ANK3: variants seen among roughly 807,000 people sequenced by gnomAD.
ANK3 encodes ankyrin-3.
Under a neutral mutation model 370.9 loss-of-function variants are expected in ANK3, and 57 were observed. That is an observed-to-expected ratio of 0.15 (90% CI 0.12 to 0.19). The LOEUF is 0.19. Ranked by LOEUF, ANK3 falls within the 10% of genes least tolerant of loss-of-function variation. The pLI, the probability that ANK3 is intolerant of heterozygous loss-of-function variation, is 1.00. For synonymous variants in ANK3, 1,929 were observed against 1,946.3 expected (o/e 0.99, Z 0.23); for missense variants, 4,439 against 5,302.1 (o/e 0.84, Z 5.06).
intron 1 of ANK3, among the ~76,000 whole-genome samples, chr10:60,387,627 C>T (rs149183339): frequency 8.3e-4 from 127 of 152,276 alleles, no homozygotes; most frequent in African/African-American, 3.0e-3. Flanking sequence ...CATTTAAATC[C>T]ACTTGCACAT....
chr10:60,674,111 T>C (rs1240033724), intron 1 of ANK3, among the ~76,000 whole-genome samples: 3 of 151,990 alleles, frequency 2.0e-5, no homozygotes, highest in African/African-American at 7.2e-5. Context: ...AGAGTTCTTG[T>C]ATTAAAAAAA....
intron 23 of ANK3, chr10:60,140,931 G>C: frequency 3.0e-6 from 3 of 985,716 alleles, no homozygotes; most frequent in Non-Finnish European, 3.6e-6. Context: ...CCCAGGTAGA[G>C]GAAAAACATT....
intron 7 of ANK3, among the ~76,000 whole-genome samples, chr10:60,244,148 C>T (rs550404993): frequency 5.9e-5 from 9 of 152,100 alleles, no homozygotes; most frequent in Non-Finnish European, 8.8e-5. Context: ...ATGAAATAAT[C>T]ATCAAAACAG....
chr10:60,310,805 C>T (rs1241226370), intron 1 of ANK3, among the ~76,000 whole-genome samples: 1 of 152,170 alleles, frequency 6.6e-6, no homozygotes, highest in East Asian at 1.9e-4. Flanking sequence ...GGAGGTAGAA[C>T]TAAATATCTT....
At chr10:60,257,067 A>G (rs1434414014) in intron 7 of ANK3, among the ~76,000 whole-genome samples, 1 of 152,222 alleles carries the variant, frequency 6.6e-6, no homozygotes, top group Non-Finnish European at 1.5e-5. Flanking sequence ...GGCTGAACTA[A>G]TTTACGTTCC....
chr10:60,732,554 G>A (rs998086105), intron 1 of ANK3, among the ~76,000 whole-genome samples: 20 of 152,278 alleles, frequency 1.3e-4, no homozygotes, highest in Admixed American at 3.9e-4. Context: ...GGAGATCGAA[G>A]AGAAGGTAAA....
At chr10:60,248,269 G>C (rs1488669502) in intron 7 of ANK3, among the ~76,000 whole-genome samples, 1 of 152,180 alleles carries the variant, frequency 6.6e-6, no homozygotes, top group East Asian at 1.9e-4. Flanking sequence ...CATTGTGGTT[G>C]TATGAATTCA....
intron 2 of ANK3, among the ~76,000 whole-genome samples, chr10:60,594,608 C>T (rs2077961517): frequency 1.3e-5 from 2 of 151,424 alleles, no homozygotes; most frequent in African/African-American, 4.8e-5. Flanking sequence ...CCTATTTTTA[C>T]ACACACACAC....
chr10:60,552,338 A>G (rs922092147), intron 2 of ANK3, among the ~76,000 whole-genome samples: 1 of 152,250 alleles, frequency 6.6e-6, no homozygotes, highest in African/African-American at 2.4e-5. Context: ...GATTGAATGC[A>G]TAACACTTTT....
intron 1 of ANK3, among the ~76,000 whole-genome samples, chr10:60,664,521 C>T (rs1468603421): frequency 6.6e-6 from 1 of 152,100 alleles, no homozygotes; most frequent in Admixed American, 6.5e-5. Context: ...TTGTTTCATG[C>T]AAAGTTAGCC....
chr10:60,473,649 C>T (rs117219308), intron 2 of ANK3, among the ~76,000 whole-genome samples: 1,576 of 152,162 alleles, frequency 0.01, 14 homozygotes, highest in Non-Finnish European at 0.017. Flanking sequence ...GAATGACTAA[C>T]GTGACTTCTC....
upstream of ANK3, among the ~76,000 whole-genome samples, chr10:60,393,389 T>A (rs985651163): frequency 1.9e-4 from 29 of 152,226 alleles, no homozygotes; most frequent in South Asian, 6.2e-4. Context: ...TAATTTTTTT[T>A]AATTTATTAC....
At chr10:60,126,160 G>C (rs1340137086) in intron 25 of ANK3, among the ~76,000 whole-genome samples, 2 of 152,104 alleles carry the variant, frequency 1.3e-5, no homozygotes, top group Non-Finnish European at 2.9e-5. Flanking sequence ...ACTATTGAAG[G>C]CCTGCCACTA....
At chr10:60,666,069 C>A (rs993643777) in intron 1 of ANK3, among the ~76,000 whole-genome samples, 4 of 151,980 alleles carry the variant, frequency 2.6e-5, no homozygotes, top group Non-Finnish European at 5.9e-5. Flanking sequence ...GTATAGACCC[C>A]AAAAAATTGA....
In ANK3 at chr10:60,122,509, C is replaced by T. The variant is rs575242815; in HGVS notation, c.2842-8178G>A. Among the ~76,000 whole-genome samples, 13 of 152,358 alleles carry T rather than the reference C, an allele frequency of 8.5e-5. No homozygotes were observed. The South Asian group carries it at 2.5e-3, about 29-fold the overall frequency. ...TATTTTGTCATTGACCTTTCCTTAT[C>T]TTTACTTATTGAAAGCTCCTTCAGA... On this transcript the variant is annotated intron_variant, in intron 25 of 43. Coordinates refer to ENST00000280772, the MANE Select transcript of ANK3 (RefSeq NM_020987.5).
chr10:60,295,476 T>G (rs988214824), intron 1 of ANK3, among the ~76,000 whole-genome samples: 2 of 152,212 alleles, frequency 1.3e-5, no homozygotes, highest in Admixed American at 6.5e-5. Flanking sequence ...TTTAAGTTAA[T>G]ATTCTAGTTT....
chr10:60,524,902 A>T (rs1938543), intron 2 of ANK3, among the ~76,000 whole-genome samples: 103,574 of 151,332 alleles, frequency 0.68, 35,847 homozygotes, highest in South Asian at 0.88. Flanking sequence ...ACCCATGAAC[A>T]GAAATATTGT....
At chr10:60,186,370 A>C (rs117319461) in intron 17 of ANK3, among the ~76,000 whole-genome samples, 9,378 of 140,662 alleles carry the variant, frequency 0.067, 412 homozygotes, top group Admixed American at 0.13. Context: ...TTTTTTAAAG[A>C]GACAGGGTCT....
chr10:60,339,558 G>A (rs1470833820), intron 1 of ANK3, among the ~76,000 whole-genome samples: 1 of 152,166 alleles, frequency 6.6e-6, no homozygotes, highest in Non-Finnish European at 1.5e-5. Flanking sequence ...AACTTTATCA[G>A]TCTATCACTT....
Sources: gnomAD v4.1 joint callset for allele counts (sites outside exome capture counted in the v4.1 genomes callset) on GRCh38, gnomAD v4.1.1 for gene constraint, MANE v1.5 for transcripts, NCBI Gene and HGNC (gene_info 2026-07-23, HGNC 2026-07-21) for gene names.